Variants in FMN2 observed in about 807,000 individuals in gnomAD.
FMN2 encodes the protein formin 2.
In FMN2, 51 loss-of-function variants were observed where a neutral mutation model predicts 142.3. That is an observed-to-expected ratio of 0.36 (90% confidence interval 0.29 to 0.45). The LOEUF is 0.45. Ranked by LOEUF, FMN2 falls within the 20% of genes least tolerant of loss-of-function variation. FMN2 has a pLI of 1.00. For missense variants in FMN2, 1,936 were observed against 2,122.8 expected (o/e 0.91, Z 1.73); for synonymous variants, 882 against 869.8 (o/e 1.01, Z -0.25).
intron 4 of FMN2, among the ~76,000 whole-genome samples, chr1:240,205,942 C>T (rs979096597): frequency 9.1e-5 from 13 of 143,188 alleles, no homozygotes; most frequent in African/African-American, 2.9e-4. Context: ...GTTTCCCAGG[C>T]GGGAGTGCAG....
chr1:240,451,227 G>A (rs1308852761), intron 16 of FMN2, among the ~76,000 whole-genome samples: 6 of 151,198 alleles, frequency 4.0e-5, no homozygotes, highest in African/African-American at 9.8e-5. Context: ...TTAGCTGGGC[G>A]CGGTGGTGGG....
intron 14 of FMN2, among the ~76,000 whole-genome samples, chr1:240,384,237 A>C (rs964794646): frequency 1.3e-5 from 2 of 152,156 alleles, no homozygotes; most frequent in Non-Finnish European, 2.9e-5. Flanking sequence ...TAGAAGCCCA[A>C]ACCTCAGCAT....
rs749326967 is a variant in FMN2 at position 240,092,424 on chromosome 1, C to G, written c.315C>G (p.Thr105=). ...EDVLDSQALQ[T]GELDSAHSLL... ...TACTGGATTCCCAGGCCCTGCAGACCGGGGAGCTGGACAGCGCTCACTCCC... is the reference window on the plus strand; with the variant it reads ...TACTGGATTCCCAGGCCCTGCAGACGGGGGAGCTGGACAGCGCTCACTCCC... Residue 105 remains threonine, a synonymous_variant, in exon 1 of 18, where the codon ACC becomes ACG. Transcript: ENST00000319653. 1 of 1,611,956 alleles carries G rather than the reference C, an allele frequency of 6.2e-7. No homozygotes were observed. The highest frequency in any genetic ancestry group is 8.5e-7 in the Non-Finnish European group (1 of 1,179,340).
At chr1:240,208,871 T>A in intron 5 of FMN2, 139 bp downstream of exon 5, 1 of 1,112,210 alleles carries the variant, frequency 9.0e-7, no homozygotes, top group Non-Finnish European at 1.3e-6. Context: ...CATCAATATA[T>A]AGTGCAGCAG....
chr1:240,313,882 G>A (rs912560565), intron 8 of FMN2, among the ~76,000 whole-genome samples: 3 of 152,050 alleles, frequency 2.0e-5, no homozygotes, highest in African/African-American at 7.2e-5. Flanking sequence ...ACTGAGGCAG[G>A]AGAATTGCTT....
chr1:240,282,509 T>A (rs1356365787), intron 7 of FMN2, among the ~76,000 whole-genome samples: 1 of 152,238 alleles, frequency 6.6e-6, no homozygotes, highest in Non-Finnish European at 1.5e-5. Context: ...GCTGTTGGTA[T>A]ATGTGCCATT....
intron 6 of FMN2, among the ~76,000 whole-genome samples, chr1:240,240,975 C>A (rs1667876249): frequency 6.6e-6 from 1 of 152,162 alleles, no homozygotes; most frequent in African/African-American, 2.4e-5. Flanking sequence ...GTTTAAACAT[C>A]TGTGCATATT....
chr1:240,467,073 G>A (rs895243366), intron 16 of FMN2, among the ~76,000 whole-genome samples: 6 of 152,134 alleles, frequency 3.9e-5, no homozygotes, highest in African/African-American at 1.4e-4. Flanking sequence ...AGTGATCACA[G>A]CCTATCATCC....
chr1:240,396,787 A>G (rs564701393), intron 15 of FMN2, among the ~76,000 whole-genome samples: 65 of 152,284 alleles, frequency 4.3e-4, no homozygotes, highest in African/African-American at 1.6e-3. Context: ...ACATGATTTC[A>G]TTCATTTTAT....
In FMN2 at chr1:240,093,469, G is replaced by A. The variant is rs764285041; in HGVS notation, c.1360G>A (p.Gly454Arg). 1.2e-6 allele frequency: 2 copies of A among 1,613,148 alleles called. No individual in the cohort carries two copies. The highest frequency in any genetic ancestry group is 1.7e-6 in the Non-Finnish European group (2 of 1,179,626). The change falls in exon 1 of 18, where the codon GGG (glycine) becomes AGG (arginine). Residue 454 changes from glycine (G) to arginine (R), a missense_variant. This residue lies in a region of FMN2 where 751 missense variants were observed against 791.8 expected (regional missense o/e 0.95). Coordinates refer to ENST00000319653, the MANE Select transcript of FMN2 (RefSeq NM_020066.5). ...KRRPEPSLSR[G>R]SRTALASVAA... ...GCGGCCGGAACCCTCCCTGAGCCGA[G>A]GGTCCAGAACTGCCCTGGCCTCCGT... is the stretch of plus-strand genomic sequence containing the variant.
At chr1:240,114,582 C>T (rs1312220835) in intron 1 of FMN2, among the ~76,000 whole-genome samples, 3 of 152,018 alleles carry the variant, frequency 2.0e-5, no homozygotes, top group Non-Finnish European at 2.9e-5. Context: ...ATTTTCCATC[C>T]ACTTGCTGTT....
chr1:240,238,825 G>A (rs1446389838), intron 6 of FMN2, among the ~76,000 whole-genome samples: 1 of 152,110 alleles, frequency 6.6e-6, no homozygotes, highest in Non-Finnish European at 1.5e-5. Flanking sequence ...TAGTAACAAT[G>A]AAAAATAGCA....
intron 4 of FMN2, among the ~76,000 whole-genome samples, chr1:240,189,682 G>A (rs529288414): frequency 2.6e-5 from 4 of 152,314 alleles, no homozygotes; most frequent in South Asian, 2.1e-4. Context: ...CCAGCTTATT[G>A]TTATGGGAGC....
chr1:240,205,103 G>T (rs148236572), intron 4 of FMN2, among the ~76,000 whole-genome samples: 1 of 152,106 alleles, frequency 6.6e-6, no homozygotes, highest in African/African-American at 2.4e-5. Flanking sequence ...CTCCCAGGTG[G>T]GTAAGAAGCG....
rs79603927 is a variant in FMN2 at position 240,291,329 on chromosome 1, A to G, written c.4154-3493A>G. Among the ~76,000 whole-genome samples the G allele has an allele frequency of 5.7e-3, 712 of 124,538 alleles. 5 individuals are homozygous for G. The highest frequency in any genetic ancestry group is 0.021 in the African/African-American group (687 of 33,420). 81.7% of individuals were successfully genotyped at this position (124,538 alleles called of 152,430 possible). ...TTCCTGGTTAAATTGATTTATATAT[A>G]TTTTTGAGAAAGTGATTAAAACTGC... On this transcript the variant is annotated intron_variant, in intron 7 of 17. Transcript: ENST00000319653.
chr1:240,213,460 T>C (rs913351277), intron 6 of FMN2, among the ~76,000 whole-genome samples: 3 of 152,222 alleles, frequency 2.0e-5, no homozygotes, highest in Admixed American at 1.3e-4. Flanking sequence ...GATGGATTGC[T>C]GAAGAAACAT....
Position 240,329,199 on chromosome 1 carries a change from T to A in FMN2, c.4307+32T>A, listed in dbSNP as rs562833981. 28 of 1,612,318 alleles carry A rather than the reference T, an allele frequency of 1.7e-5. No homozygotes were observed. In the African/African-American group the frequency reaches 3.5e-4, roughly 20 times the overall value. The stretch of plus-strand genomic sequence containing the variant: ...ATGTCTTATAACCACGTAGAGGGCG[T>A]CCAGGCTATGGGTGGGCCCGTTTTG... On this transcript the variant is annotated intron_variant, in intron 9 of 17. Transcript: ENST00000319653.
rs1674181801 is a variant in FMN2, at chr1:240,406,154, T to TCGGGAGTCGGGGGAGCGAAGGGAAG, written c.4910+13593_4910+13594insGGGAGTCGGGGGAGCGAAGGGAAGC. 1.2e-4 allele frequency among the ~76,000 whole-genome samples: 2 copies of TCGGGAGTCGGGGGAGCGAAGGGAAG among 16,016 alleles called. 1 individual carries two copies. The highest frequency in any genetic ancestry group is 7.6e-3 in the East Asian group (2 of 264). The allele number at this position is 16,016 out of a possible 152,430, so 10.5% of individuals were successfully genotyped here. Reference sequence around the variant, plus strand: ...TCGGGAGTGGGGGGAGCGAAGGGAATCAGCCTCGGGAGTGGGGGGAGCGAA... The same window carrying TCGGGAGTCGGGGGAGCGAAGGGAAG: ...TCGGGAGTGGGGGGAGCGAAGGGAATCGGGAGTCGGGGGAGCGAAGGGAAGCAGCCTCGGGAGTGGGGGGAGCGAA... On this transcript the variant is annotated intron_variant, in intron 15 of 17. Transcript: ENST00000319653.
At chr1:240,146,237 A>C (rs1410330128) in intron 2 of FMN2, among the ~76,000 whole-genome samples, 3 of 140,098 alleles carry the variant, frequency 2.1e-5, no homozygotes, top group African/African-American at 5.2e-5. Context: ...AAAAAAAAAT[A>C]CAAAAAATTA....
Sources: gnomAD v4.1 joint callset for allele counts (sites outside exome capture counted in the v4.1 genomes callset) on GRCh38, gnomAD v4.1.1 for gene constraint, gnomAD v4.1.1 regional missense constraint, MANE v1.5 for transcripts, NCBI Gene and HGNC (gene_info 2026-07-23, HGNC 2026-07-21) for gene names.